ROBO1: variants seen among roughly 807,000 people sequenced by gnomAD.
ROBO1 encodes the protein roundabout homolog 1.
In ROBO1, 149 loss-of-function variants were observed where a neutral mutation model predicts 195.9. The observed-to-expected ratio is 0.76, with a 90% confidence interval of 0.67 to 0.87. The LOEUF is 0.87. Among genes scored for constraint, ROBO1 ranks in the 40% least tolerant of loss-of-function variants. The pLI is 0.00. For missense variants in ROBO1, 1,933 were observed against 2,068.3 expected, an observed-to-expected ratio of 0.93 and a Z score of 1.27; for synonymous variants, 816 against 733.2, an observed-to-expected ratio of 1.11 and a Z score of -1.82.
Position 79,172,075 on chromosome 3 carries a change from TAACAAG to T in ROBO1, c.89-46542_89-46537del, listed in dbSNP as rs529396913. Among the ~76,000 whole-genome samples, 225 of 152,172 alleles carry T rather than the reference TAACAAG, an allele frequency of 1.5e-3. 1 individual carries two copies. The highest frequency in any genetic ancestry group is 5.2e-3 in the African/African-American group (217 of 41,544). On this transcript the variant is annotated intron_variant, in intron 2 of 30. Transcript: ENST00000464233. Reference sequence around the variant, plus strand: ...CAAGCCAAAAGGGAGACTTCAACAATAACAAGAACAACAGCAAAAATGATCAAAACC... The same window carrying T: ...CAAGCCAAAAGGGAGACTTCAACAATAACAACAGCAAAAATGATCAAAACC...
At position 78,688,636 on chromosome 3, in the gene ROBO1, A is replaced by C; in HGVS notation, c.1170+12T>G. ...GCTGATTTAAAAAAAAAAAGTTAGA[A>C]AAAGGTGGTACCTGACTCCCTTCTC... On this transcript the variant is annotated intron_variant, in intron 9 of 30. Coordinates refer to ENST00000464233, the MANE Select transcript of ROBO1 (RefSeq NM_002941.4). 6.4e-7 allele frequency: 1 copy of C among 1,561,128 alleles called. No individual in the cohort carries two copies. The highest frequency in any genetic ancestry group is 8.6e-7 in the Non-Finnish European group (1 of 1,159,128).
rs2080198187 is a variant in ROBO1, at chr3:79,125,481, G to A, written c.147C>T (p.Asn49=). 1.9e-6 allele frequency: 3 copies of A among 1,613,648 alleles called. No homozygotes were observed. The highest frequency in any genetic ancestry group is 1.7e-6 in the Non-Finnish European group (2 of 1,179,740). The change falls in exon 3 of 31, where the codon AAC becomes AAT. Residue 49 remains asparagine (N), a synonymous_variant. Transcript: ENST00000464233. Reference sequence around the variant, plus strand: ...CTGTATAGCCCAGCGAATTGTCATCGTTATCAGAGGTGGGGATTGGCGTCC... The same window carrying A: ...CTGTATAGCCCAGCGAATTGTCATCATTATCAGAGGTGGGGATTGGCGTCC... ...DHGTPIPTSD[N]DDNSLGYTGS...
intron 3 of ROBO1, among the ~76,000 whole-genome samples, chr3:78,943,671 ACT>A (rs2040261147): frequency 6.6e-6 from 1 of 152,104 alleles, no homozygotes; most frequent in Non-Finnish European, 1.5e-5. Context: ...TGGCCACTGA[ACT>A]CTTTTTTATT....
At chr3:79,004,198 T>C (rs964928658) in intron 3 of ROBO1, among the ~76,000 whole-genome samples, 8 of 152,150 alleles carry the variant, frequency 5.3e-5, no homozygotes, top group African/African-American at 1.9e-4. Context: ...CCAAGACTTT[T>C]GATTTTTTTT....
chr3:79,526,975 T>C (rs768416748), intron 2 of ROBO1, among the ~76,000 whole-genome samples: 20 of 152,130 alleles, frequency 1.3e-4, no homozygotes, highest in Non-Finnish European at 5.9e-5. Flanking sequence ...ACTATTCCTA[T>C]ACAGATAAAT....
At chr3:79,461,106 G>A (rs1937620428) in intron 2 of ROBO1, among the ~76,000 whole-genome samples, 1 of 152,078 alleles carries the variant, frequency 6.6e-6, no homozygotes, top group Non-Finnish European at 1.5e-5. Flanking sequence ...ATATTAAAAA[G>A]AATTTTAGTC....
chr3:78,841,661 C>T (rs1210746252), intron 4 of ROBO1, among the ~76,000 whole-genome samples: 1 of 152,072 alleles, frequency 6.6e-6, no homozygotes, highest in Non-Finnish European at 1.5e-5. Flanking sequence ...TACTCAAACC[C>T]CAATTTTCTG....
intron 2 of ROBO1, among the ~76,000 whole-genome samples, chr3:79,480,517 C>A (rs1430008382): frequency 1.3e-5 from 2 of 152,032 alleles, no homozygotes; most frequent in African/African-American, 4.8e-5. Context: ...TTTTGTCTCA[C>A]TTAATGCATC....
chr3:78,931,346 T>G (rs1238166264), intron 4 of ROBO1, among the ~76,000 whole-genome samples: 2 of 150,670 alleles, frequency 1.3e-5, no homozygotes, highest in Non-Finnish European at 3.0e-5. Flanking sequence ...GTTCAAGTGA[T>G]TCTCCTGCCT....
intron 2 of ROBO1, among the ~76,000 whole-genome samples, chr3:79,379,701 T>C (rs1388728524): frequency 6.6e-6 from 1 of 152,232 alleles, no homozygotes; most frequent in African/African-American, 2.4e-5. Context: ...TATTTATTTT[T>C]ATTAAACATC....
intron 3 of ROBO1, among the ~76,000 whole-genome samples, chr3:78,947,873 C>A (rs1162623389): frequency 6.6e-6 from 1 of 152,062 alleles, no homozygotes; most frequent in Non-Finnish European, 1.5e-5. Context: ...CACAAACTAC[C>A]ATCAGAGAAT....
At position 78,855,899 on chromosome 3, in the gene ROBO1, A is replaced by G. The variant is rs529570230; in HGVS notation, c.499+82702T>C. 2.0e-5 allele frequency among the ~76,000 whole-genome samples: 3 copies of G among 152,262 alleles called. No individual in the cohort carries two copies. The South Asian group carries it at 6.2e-4, about 32-fold the overall frequency. On this transcript the variant is annotated intron_variant, in intron 4 of 30. Transcript: ENST00000464233. ...GGAGAATATTTTTTTTTCCTTTTTA[A>G]ATACTAACGGAAATGAAACCAGGAA...
intron 2 of ROBO1, among the ~76,000 whole-genome samples, chr3:79,296,561 C>G (rs2032608960): frequency 6.6e-6 from 1 of 152,106 alleles, no homozygotes; most frequent in Non-Finnish European, 1.5e-5. Flanking sequence ...CAATCATGAA[C>G]AGGTTTTGTG....
chr3:79,606,744 G>A (rs1393993445), intron 1 of ROBO1, among the ~76,000 whole-genome samples: 1 of 139,030 alleles, frequency 7.2e-6, no homozygotes, highest in African/African-American at 2.8e-5. Context: ...GGGCCACTTA[G>A]ACCACCTGTG....
intron 5 of ROBO1, among the ~76,000 whole-genome samples, chr3:78,720,041 C>T (rs1290498802): frequency 5.3e-5 from 8 of 152,144 alleles, no homozygotes. Context: ...TCACTTTTCA[C>T]TAAAGGGAAC....
intron 1 of ROBO1, among the ~76,000 whole-genome samples, chr3:79,605,021 C>T (rs1944440969): frequency 6.6e-6 from 1 of 151,938 alleles, no homozygotes; most frequent in African/African-American, 2.4e-5. Context: ...AATTTCTCTT[C>T]TCTTTTCTTA....
chr3:78,765,979 T>C (rs1285740342), intron 4 of ROBO1, among the ~76,000 whole-genome samples: 2 of 152,188 alleles, frequency 1.3e-5, no homozygotes, highest in South Asian at 2.1e-4. Flanking sequence ...AGAACTCCTA[T>C]TGATTTGTAT....
intron 30 of ROBO1, 93 bp from the exon 31 acceptor site, chr3:78,599,020 A>T (rs1703008233): frequency 1.4e-6 from 1 of 705,294 alleles, no homozygotes; most frequent in East Asian, 2.9e-5. Context: ...TTATAATTTA[A>T]TGTGTCTTTT....
At chr3:79,402,194 G>A (rs573596668) in intron 2 of ROBO1, among the ~76,000 whole-genome samples, 59 of 151,790 alleles carry the variant, frequency 3.9e-4, no homozygotes, top group African/African-American at 1.4e-3. Flanking sequence ...ATAAATTTGT[G>A]ACTCGATTTG....
Sources: allele counts gnomAD v4.1 joint callset (sites outside exome capture counted in the v4.1 genomes callset), GRCh38; gene constraint gnomAD v4.1.1; transcripts MANE v1.5; gene names NCBI Gene and HGNC (gene_info 2026-07-23, HGNC 2026-07-21).